The following SYNE2 variants were observed in gnomAD, a reference collection of about 807,000 sequenced individuals.
SYNE2 encodes nesprin-2.
Under a neutral mutation model 856.3 loss-of-function variants are expected in SYNE2, and 431 were observed. The observed-to-expected ratio is 0.50, with a 90% CI of 0.47 to 0.55. The LOEUF (loss-of-function observed/expected upper bound fraction) is 0.55. SYNE2 is among the 20% of genes least tolerant of loss of function. The pLI, the probability that SYNE2 is intolerant of heterozygous loss-of-function variation, is 0.00. For missense variants in SYNE2, 8,129 were observed against 8,023.2 expected, an observed-to-expected ratio of 1.01 and a Z score of -0.50; for synonymous variants, 2,923 against 2,872.3, an observed-to-expected ratio of 1.02 and a Z score of -0.56.
At chr14:63,833,330 T>C (rs1566596446) in intron 1 of SYNE2, among the ~76,000 whole-genome samples, 3 of 152,212 alleles carry the variant, frequency 2.0e-5, no homozygotes, top group Non-Finnish European at 2.9e-5. Context: ...ATACCAAATA[T>C]GAGAGGAGGT....
chr14:64,108,634 T>C (rs1158595014), intron 65 of SYNE2, among the ~76,000 whole-genome samples: 1 of 152,188 alleles, frequency 6.6e-6, no homozygotes, highest in Non-Finnish European at 1.5e-5. Context: ...TTTTCTTCTT[T>C]TATACTGAGT....
intron 1 of SYNE2, among the ~76,000 whole-genome samples, chr14:63,762,454 G>A (rs1886520623): frequency 2.2e-5 from 3 of 137,046 alleles, no homozygotes; most frequent in South Asian, 2.3e-4. Context: ...AAAAAAAAAA[G>A]TTTATTGGGA....
intron 78 of SYNE2, among the ~76,000 whole-genome samples, chr14:64,137,359 C>A (rs1465411701): frequency 6.6e-6 from 1 of 152,210 alleles, no homozygotes; most frequent in East Asian, 1.9e-4. Flanking sequence ...GCCACCAAGT[C>A]CCGCCTCAGC....
At chr14:63,864,627 C>T (rs1296586776) in intron 1 of SYNE2, among the ~76,000 whole-genome samples, 4 of 152,198 alleles carry the variant, frequency 2.6e-5, no homozygotes, top group African/African-American at 9.7e-5. Context: ...ATCTTATACA[C>T]TTACTGTTAC....
upstream of SYNE2, among the ~76,000 whole-genome samples, chr14:63,849,663 C>T (rs114099791): frequency 5.0e-3 from 765 of 152,282 alleles, 4 homozygotes; most frequent in African/African-American, 0.018. Context: ...CAAGTATAAA[C>T]ACATGAGGGT....
rs193216555 is a variant in SYNE2 at position 64,073,283 on chromosome 14, A to T, written c.10698-685A>T. ...AGCCCTCATCCTGAGGCTACTCAGG[A>T]TCCCACCTAGAGTTGCCTTCTTAGA... On this transcript the variant is annotated intron_variant, in intron 52 of 115. Transcript: ENST00000555002. Among the ~76,000 whole-genome samples, 203 of 152,182 alleles carry T rather than the reference A, an allele frequency of 1.3e-3. 2 individuals carry two copies. The highest frequency in any genetic ancestry group is 4.4e-3 in the African/African-American group (181 of 41,512).
At chr14:63,872,084 C>T (rs988597809) in intron 1 of SYNE2, among the ~76,000 whole-genome samples, 6 of 152,170 alleles carry the variant, frequency 3.9e-5, no homozygotes, top group South Asian at 2.1e-4. Flanking sequence ...CCGGCCGTGT[C>T]AAGTTGTACC....
rs2097200089 is a variant in SYNE2 at position 64,048,258 on chromosome 14, T to A, written c.7377+103T>A. 26 of 1,084,318 alleles carry A rather than the reference T, an allele frequency of 2.4e-5. 2 individuals are homozygous for A. In the South Asian group the frequency reaches 3.8e-4, roughly 16 times the overall value. The allele number at this position is 1,084,318 out of a possible 1,614,324, so 67.2% of individuals were successfully genotyped here. ...ACTTGCTTGTACAGAGTGAAAAGTC[T>A]TATTTAACCTTTGCCTGATGATCAA... On this transcript the variant is annotated intron_variant, in intron 46 of 115. Transcript: ENST00000555002.
intron 1 of SYNE2, among the ~76,000 whole-genome samples, chr14:63,814,493 A>G (rs371472734): frequency 3.2e-4 from 39 of 120,282 alleles, no homozygotes; most frequent in Admixed American, 5.7e-4. Context: ...CCTTATATAT[A>G]TCCATATATA....
chr14:64,178,463 C>T (rs1226024545), intron 96 of SYNE2, among the ~76,000 whole-genome samples: 1 of 152,034 alleles, frequency 6.6e-6, no homozygotes, highest in Non-Finnish European at 1.5e-5. Flanking sequence ...GTTGTTTGTT[C>T]GTTTGTTTTT....
rs960592013 is a variant in SYNE2 at position 63,939,332 on chromosome 14, C to A, written c.80-1282C>A. On this transcript the variant is annotated intron_variant, in intron 2 of 115. Transcript: ENST00000555002. ...TTCAGGTCTTCCCCTTGACTCCTAC[C>A]TGGATTTTTTTTTTCTTTTTTTTTT... 7.4e-5 allele frequency among the ~76,000 whole-genome samples: 11 copies of A among 148,174 alleles called. No homozygotes were observed. In the South Asian group the frequency reaches 2.4e-3, roughly 32 times the overall value.
At chr14:63,855,487 T>C (rs756494710) in intron 1 of SYNE2, among the ~76,000 whole-genome samples, 1 of 152,120 alleles carries the variant, frequency 6.6e-6, no homozygotes, top group Non-Finnish European at 1.5e-5. Flanking sequence ...CAAACCAGCT[T>C]TCTTGCTGCA....
rs908894143 is a variant in SYNE2, at chr14:64,208,741, C to T, written c.18202-17C>T. On this transcript the variant is annotated splice_polypyrimidine_tract_variant and intron_variant, in intron 100 of 115. Coordinates refer to ENST00000555002, the MANE Select transcript of SYNE2 (RefSeq NM_182914.3). ...CACCAACATCTCAAGAGGTTTCTTA[C>T]TCTGTTGTAATCACAGGATCTACAG... The T allele has an allele frequency of 6.2e-7, 1 of 1,614,084 alleles. No homozygotes were observed. Among genetic ancestry groups the T allele is most frequent in the Non-Finnish European group, 8.5e-7 (1 of 1,179,946 alleles).
rs139187222 is a variant in SYNE2, at chr14:64,167,590, A to G, written c.16856A>G (p.Asp5619Gly). Residue 5619 changes from aspartate (D) to glycine (G), a missense_variant, in exon 92 of 116, where the codon GAT (aspartate) becomes GGT (glycine). Physicochemically the swap from Asp to Gly is moderately conservative, Grantham distance 94. Around this residue, in one of 3 missense-constraint regions of SYNE2, gnomAD observed 5,410 missense variants for 5,284.8 expected, o/e 1.02. Coordinates refer to ENST00000555002, the MANE Select transcript of SYNE2 (RefSeq NM_182914.3). ...AAGATAGAAGAAGCACTCAAAGTGG[A>G]TGTGGCTAACAGCCTTCCTGAGCTC... is the stretch of plus-strand genomic sequence containing the variant. ...LEKIEEALKV[D>G]VANSLPELLE... 9.5e-5 allele frequency: 154 copies of G among 1,614,110 alleles called. No homozygotes were observed. Among genetic ancestry groups the G allele is most frequent in the Admixed American group, 3.3e-4 (20 of 60,012 alleles).
intron 9 of SYNE2, among the ~76,000 whole-genome samples, chr14:63,962,541 G>A (rs1186792443): frequency 2.0e-5 from 3 of 152,152 alleles, no homozygotes; most frequent in Non-Finnish European, 4.4e-5. Context: ...TCATGTAAAT[G>A]AAATTGTGTG....
At position 64,007,087 on chromosome 14, in the gene SYNE2, AAGAAG is replaced by A. The variant is rs1487648848; in HGVS notation, c.4451_4455del (p.Lys1484ThrfsTer7). On this transcript the variant is annotated frameshift_variant, in exon 31 of 116. Transcript: ENST00000555002. LOFTEE classifies it high-confidence loss of function. ...CTGGATAAGGTTCTAGATGAATATGAAGAAGAGAAGAGACATTTACAAGAAATGGC... is the reference window on the plus strand; with the variant it reads ...CTGGATAAGGTTCTAGATGAATATGAAGAAGAGACATTTACAAGAAATGGC... 6.2e-7 allele frequency: 1 copy of A among 1,613,788 alleles called. No individual in the cohort carries two copies. Among genetic ancestry groups the A allele is most frequent in the Admixed American group, 1.7e-5 (1 of 60,018 alleles).
rs150573158 is a variant in SYNE2, at chr14:64,003,219, T to C, written c.4286T>C (p.Leu1429Pro). ...QEEFTEENKL[L>P]EACIFKNNEL... ...GAATTCACTGAGGAAAACAAATTAC[T>C]AGAGGCTTGTATTTTCAAAAATAAT... Residue 1429 changes from leucine to proline, a missense_variant, in exon 30 of 116, where the codon CTA (leucine) becomes CCA (proline). By Grantham distance (98) the Leu-to-Pro change is moderately conservative. Coordinates refer to ENST00000555002, the MANE Select transcript of SYNE2 (RefSeq NM_182914.3). 3.7e-4 allele frequency: 597 copies of C among 1,613,882 alleles called. 7 individuals are homozygous for C. The African/African-American group carries it at 6.2e-3, about 17-fold the overall frequency.
intron 27 of SYNE2, among the ~76,000 whole-genome samples, chr14:63,999,761 T>C (rs1381541931): frequency 6.6e-6 from 1 of 152,210 alleles, no homozygotes; most frequent in Non-Finnish European, 1.5e-5. Context: ...TGGAGGGCCA[T>C]AGGTAGTTCC....
chr14:64,170,960 T>C (rs1372561186), intron 94 of SYNE2, among the ~76,000 whole-genome samples: 3 of 151,780 alleles, frequency 2.0e-5, no homozygotes, highest in African/African-American at 7.3e-5. Flanking sequence ...ACTTAAGGAG[T>C]GTAATTGGAT....
Sources: gnomAD v4.1 joint callset for allele counts (sites outside exome capture counted in the v4.1 genomes callset) on GRCh38, gnomAD v4.1.1 for gene constraint, gnomAD v4.1.1 regional missense constraint, MANE v1.5 for transcripts, NCBI Gene and HGNC (gene_info 2026-07-23, HGNC 2026-07-21) for gene names.